MAPK9: variants seen among roughly 807,000 people sequenced by gnomAD.
The protein encoded by MAPK9 is mitogen-activated protein kinase 9.
In MAPK9, 30 loss-of-function variants were observed where a neutral mutation model predicts 57.1. The observed-to-expected ratio is 0.53, with a 90% confidence interval of 0.39 to 0.71. The LOEUF (loss-of-function observed/expected upper bound fraction) is 0.71, where lower values mean the gene tolerates loss of function less well. Among genes scored for constraint, MAPK9 ranks in the 30% least tolerant of loss-of-function variants. MAPK9 has a pLI of 0.00. For missense variants in MAPK9, 362 were observed against 521.0 expected (o/e 0.69, Z 2.97); for synonymous variants, 155 against 177.0 (o/e 0.88, Z 0.99).
chr5:180,264,109 T>C (rs1760288072), intron 4 of MAPK9, among the ~76,000 whole-genome samples: 1 of 152,106 alleles, frequency 6.6e-6, no homozygotes, highest in Admixed American at 6.5e-5. Flanking sequence ...AGTCCAACCC[T>C]CAGCACTTTT....
Position 180,247,170 on chromosome 5 carries a change from C to A in MAPK9, c.688+269G>T. ...TAAATAATTTCTTCTATGTGTCCAG[C>A]TATTTTTGGCAAAATTAAGAGCTAA... On this transcript the variant is annotated intron_variant, in intron 7 of 11. Coordinates refer to ENST00000452135, the MANE Select transcript of MAPK9 (RefSeq NM_002752.5). The surrounding 1 kb of genome is among the most constrained non-coding windows in gnomAD (Gnocchi z 4.5). 2.0e-6 allele frequency: 1 copy of A among 508,014 alleles called. No homozygotes were observed. The allele number at this position is 508,014 out of a possible 1,614,324, so 31.5% of individuals were successfully genotyped here. A position where few individuals can be genotyped will look rare whatever the true frequency, so the allele number is the denominator to read the frequency against.
At chr5:180,267,623 A>G (rs566068659) in intron 3 of MAPK9, among the ~76,000 whole-genome samples, 93 of 151,864 alleles carry the variant, frequency 6.1e-4, no homozygotes, top group Non-Finnish European at 8.8e-4. Context: ...ATTTAAACCA[A>G]CTCAAGCCAC....
intron 6 of MAPK9, 92 bp downstream of exon 6, chr5:180,248,881 T>C: frequency 1.4e-6 from 2 of 1,392,080 alleles, no homozygotes; most frequent in South Asian, 2.9e-5. Flanking sequence ...ACAGTATATA[T>C]CATATGGTTC....
intron 1 of MAPK9, among the ~76,000 whole-genome samples, chr5:180,290,850 G>A (rs1763165878): frequency 6.6e-6 from 1 of 152,196 alleles, no homozygotes; most frequent in African/African-American, 2.4e-5. Flanking sequence ...TAAGCACTGG[G>A]GATAAAGCAG....
intron 5 of MAPK9, among the ~76,000 whole-genome samples, chr5:180,259,809 G>A (rs1337938250): frequency 1.3e-5 from 2 of 152,230 alleles, no homozygotes; most frequent in Admixed American, 1.3e-4. Flanking sequence ...AAACTGGAGA[G>A]AAACCCTATG....
At chr5:180,241,238 C>T in intron 8 of MAPK9, 83 bp from the exon 9 acceptor site, 1 of 1,265,750 alleles carries the variant, frequency 7.9e-7, no homozygotes, top group East Asian at 2.5e-5. Flanking sequence ...TATGACAACA[C>T]AGATAGAACA....
At chr5:180,268,556 C>G (rs1445406194) in intron 3 of MAPK9, among the ~76,000 whole-genome samples, 1 of 152,200 alleles carries the variant, frequency 6.6e-6, no homozygotes, top group Non-Finnish European at 1.5e-5. Context: ...AGCCGGGCGC[C>G]ATGGCTCACG....
At chr5:180,285,650 A>G (rs555795421) in intron 1 of MAPK9, among the ~76,000 whole-genome samples, 209 of 152,284 alleles carry the variant, frequency 1.4e-3, no homozygotes, top group African/African-American at 4.9e-3. Context: ...CAGCTGGGCA[A>G]GATGGCTCAC....
chr5:180,290,229 C>G (rs533625140), intron 1 of MAPK9, among the ~76,000 whole-genome samples: 1 of 152,330 alleles, frequency 6.6e-6, no homozygotes, highest in East Asian at 1.9e-4. Flanking sequence ...ACTCTGTGTC[C>G]TTACACCTGG....
intron 1 of MAPK9, among the ~76,000 whole-genome samples, chr5:180,283,359 A>G (rs1034850837): frequency 6.6e-6 from 1 of 152,186 alleles, no homozygotes. Flanking sequence ...CTGAGGGATC[A>G]GCTGTCACAG....
intron 1 of MAPK9, among the ~76,000 whole-genome samples, chr5:180,284,601 ATG>A (rs1762583130): frequency 6.6e-6 from 1 of 152,246 alleles, no homozygotes; most frequent in Non-Finnish European, 1.5e-5. Flanking sequence ...GCTAATAAAA[ATG>A]TTAACTGCAT....
chr5:180,239,301 T>C (rs753597183), intron 10 of MAPK9, among the ~76,000 whole-genome samples: 84 of 152,342 alleles, frequency 5.5e-4, no homozygotes, highest in Non-Finnish European at 2.1e-4. Flanking sequence ...CCAGTGAGCA[T>C]TGACTGAGGC....
At chr5:180,243,752 T>C (rs889570206) in intron 7 of MAPK9, among the ~76,000 whole-genome samples, 1 of 152,244 alleles carries the variant, frequency 6.6e-6, no homozygotes, top group Non-Finnish European at 1.5e-5. Context: ...TTCCTACTCC[T>C]GGTTCATACA....
chr5:180,277,975 C>T (rs1325386076), intron 2 of MAPK9, among the ~76,000 whole-genome samples: 3 of 152,100 alleles, frequency 2.0e-5, no homozygotes, highest in Admixed American at 1.3e-4. Flanking sequence ...AACTGAAAGT[C>T]AGTTATAGCT....
chr5:180,246,847 T>C (rs951099312), intron 7 of MAPK9: 1 of 152,318 alleles, frequency 6.6e-6, no homozygotes, highest in African/African-American at 2.4e-5. Context: ...TAGACAGATT[T>C]TTAAAAAAAA....
At chr5:180,276,033 A>G (rs886529510) in intron 2 of MAPK9, among the ~76,000 whole-genome samples, 1 of 152,236 alleles carries the variant, frequency 6.6e-6, no homozygotes, top group Non-Finnish European at 1.5e-5. Flanking sequence ...ATTGAGGCCC[A>G]TAAAGAAACT....
chr5:180,240,554 T>C (rs1294552984), intron 9 of MAPK9, among the ~76,000 whole-genome samples: 1 of 152,222 alleles, frequency 6.6e-6, no homozygotes, highest in African/African-American at 2.4e-5. Context: ...CCCTCACAGC[T>C]AAAGCTCACT....
At chr5:180,279,105 G>A (rs1248520019) in intron 2 of MAPK9, among the ~76,000 whole-genome samples, 1 of 152,018 alleles carries the variant, frequency 6.6e-6, no homozygotes, top group Admixed American at 6.6e-5. Flanking sequence ...CTACGGGTGT[G>A]TGCCACCACA....
intron 3 of MAPK9, among the ~76,000 whole-genome samples, chr5:180,267,561 CAAA>C (rs34776289): frequency 5.3e-3 from 477 of 89,848 alleles, no homozygotes; most frequent in African/African-American, 0.017. Flanking sequence ...GACTCCGTCT[CAAA>C]AAAAAAAAAA....
Sources: gnomAD v4.1 joint callset for allele counts (sites outside exome capture counted in the v4.1 genomes callset) on GRCh38, gnomAD v4.1.1 for gene constraint, Gnocchi (gnomAD v3.1) non-coding constraint, MANE v1.5 for transcripts, NCBI Gene and HGNC (gene_info 2026-07-23, HGNC 2026-07-21) for gene names.